ERC2: variants seen among roughly 807,000 people sequenced by gnomAD.
ERC2 encodes the protein ELKS/RAB6-interacting/CAST family member 2, also known as ERC protein 2.
A neutral mutation model predicts 114.8 loss-of-function variants in ERC2; 42 were observed. That is an observed-to-expected ratio of 0.37 (90% confidence interval 0.29 to 0.47). ERC2 has a LOEUF of 0.47. Ranked by LOEUF, ERC2 falls within the 20% of genes least tolerant of loss-of-function variation. ERC2 has a pLI of 0.99. For synonymous variants in ERC2, 454 were observed against 425.5 expected (o/e 1.07, Z -0.82); for missense variants, 939 against 1,150.7 (o/e 0.82, Z 2.66).
chr3:55,985,651 G>A (rs1002009858), intron 12 of ERC2, among the ~76,000 whole-genome samples: 3 of 152,158 alleles, frequency 2.0e-5, no homozygotes, highest in East Asian at 1.9e-4. Context: ...ATGGCTCCAC[G>A]TTGTATCATC....
At chr3:56,271,963 T>C (rs1235196055) in intron 3 of ERC2, among the ~76,000 whole-genome samples, 1 of 152,176 alleles carries the variant, frequency 6.6e-6, no homozygotes, top group Non-Finnish European at 1.5e-5. Context: ...CTGTGGTGGA[T>C]ATGTACCAAA....
chr3:56,382,468 C>A (rs2059788780), intron 2 of ERC2, among the ~76,000 whole-genome samples: 1 of 152,132 alleles, frequency 6.6e-6, no homozygotes, highest in South Asian at 2.1e-4. Flanking sequence ...TTCCCCCCAC[C>A]ATTTCCCCAA....
intron 10 of ERC2, chr3:56,002,999 A>T (rs372032989): frequency 1.3e-6 from 1 of 760,310 alleles, no homozygotes; most frequent in Non-Finnish European, 1.9e-6. Flanking sequence ...AAGAAACTCA[A>T]ATATTTTCAA....
At chr3:55,610,064 CAAAAAAA>C (rs36088271) in intron 17 of ERC2, among the ~76,000 whole-genome samples, 7 of 118,780 alleles carry the variant, frequency 5.9e-5, no homozygotes, top group Admixed American at 9.0e-5. Flanking sequence ...CAAACACAAA[CAAAAAAA>C]AAAAAAAAAA....
At chr3:55,967,300 T>A (rs1032448924) in intron 12 of ERC2, among the ~76,000 whole-genome samples, 2 of 152,174 alleles carry the variant, frequency 1.3e-5, no homozygotes, top group Admixed American at 6.5e-5. Context: ...TCAAATTTTT[T>A]AAGAAAAACA....
intron 17 of ERC2, among the ~76,000 whole-genome samples, chr3:55,535,225 C>T (rs955571495): frequency 2.6e-5 from 4 of 152,170 alleles, no homozygotes; most frequent in African/African-American, 4.8e-5. Context: ...TTCTTCAGCT[C>T]CTCTTCTAAG....
chr3:56,343,443 A>T (rs1055786439), intron 2 of ERC2, among the ~76,000 whole-genome samples: 2 of 151,318 alleles, frequency 1.3e-5, no homozygotes, highest in Non-Finnish European at 2.9e-5. Context: ...AAGTAGGAGG[A>T]TTGCTTCAAA....
At chr3:56,351,441 A>T (rs529555869) in intron 2 of ERC2, among the ~76,000 whole-genome samples, 2 of 152,324 alleles carry the variant, frequency 1.3e-5, no homozygotes, top group East Asian at 3.9e-4. Flanking sequence ...GACCATACCC[A>T]TGAAAAGTTT....
intron 12 of ERC2, among the ~76,000 whole-genome samples, chr3:55,976,976 T>A (rs2069638062): frequency 6.6e-6 from 1 of 152,222 alleles, no homozygotes; most frequent in South Asian, 2.1e-4. Context: ...GGAGCCTATT[T>A]GCCCCTTCCA....
intron 2 of ERC2, among the ~76,000 whole-genome samples, chr3:56,308,000 T>C (rs972782776): frequency 1.3e-5 from 2 of 152,194 alleles, no homozygotes; most frequent in Admixed American, 1.3e-4. Flanking sequence ...CATTCCTCTT[T>C]GCTTAGCTAT....
intron 17 of ERC2, among the ~76,000 whole-genome samples, chr3:55,595,449 G>A (rs939532636): frequency 1.3e-5 from 2 of 152,176 alleles, no homozygotes; most frequent in African/African-American, 2.4e-5. Context: ...TTTGGGAGAC[G>A]GTCAGGGAGA....
intron 2 of ERC2, among the ~76,000 whole-genome samples, chr3:56,421,559 A>G (rs1368578858): frequency 6.6e-6 from 1 of 152,246 alleles, no homozygotes; most frequent in African/African-American, 2.4e-5. Flanking sequence ...CCTGGTGAGC[A>G]CTTGAATGAA....
At chr3:55,729,174 C>G (rs956083088) in intron 15 of ERC2, among the ~76,000 whole-genome samples, 4 of 152,220 alleles carry the variant, frequency 2.6e-5, no homozygotes, top group African/African-American at 7.2e-5. Flanking sequence ...GCACAGGAGT[C>G]CTACAGTCTA....
intron 12 of ERC2, among the ~76,000 whole-genome samples, chr3:55,963,726 C>T (rs1559941890): frequency 1.3e-5 from 2 of 152,130 alleles, no homozygotes; most frequent in Non-Finnish European, 2.9e-5. Context: ...ACATTAGGGC[C>T]AATTTGGTAG....
At chr3:56,098,116 T>C (rs930166174) in intron 6 of ERC2, among the ~76,000 whole-genome samples, 2 of 152,196 alleles carry the variant, frequency 1.3e-5, no homozygotes, top group African/African-American at 2.4e-5. Flanking sequence ...GGGATGAATA[T>C]GTCTAGAAAC....
intron 13 of ERC2, among the ~76,000 whole-genome samples, chr3:55,909,178 C>T (rs912027470): frequency 6.6e-6 from 1 of 152,180 alleles, no homozygotes; most frequent in African/African-American, 2.4e-5. Flanking sequence ...TGCCAAGCTG[C>T]CTTCCTCTAG....
intron 3 of ERC2, among the ~76,000 whole-genome samples, chr3:56,249,846 A>G (rs1446933566): frequency 3.5e-5 from 5 of 141,938 alleles, no homozygotes; most frequent in South Asian, 4.4e-4. Flanking sequence ...CAAAATCTGC[A>G]TCAAATTTCT....
At chr3:55,721,541 C>T (rs1252329661) in intron 15 of ERC2, among the ~76,000 whole-genome samples, 1 of 152,250 alleles carries the variant, frequency 6.6e-6, no homozygotes, top group East Asian at 1.9e-4. Context: ...CTCTCTTTTA[C>T]TTTACAGATG....
intron 3 of ERC2, among the ~76,000 whole-genome samples, chr3:56,211,719 C>G (rs1446326727): frequency 6.6e-6 from 1 of 152,062 alleles, no homozygotes; most frequent in African/African-American, 2.4e-5. Flanking sequence ...GGGCCATAGT[C>G]ACCAAAACAG....
Sources: allele counts gnomAD v4.1 joint callset (sites outside exome capture counted in the v4.1 genomes callset), GRCh38; gene constraint gnomAD v4.1.1; transcripts MANE v1.5; gene names NCBI Gene and HGNC (gene_info 2026-07-23, HGNC 2026-07-21).